The following MAGI1 variants were observed in gnomAD, a reference collection of about 807,000 sequenced individuals.
MAGI1 encodes membrane associated guanylate kinase, WW and PDZ domain containing 1.
Under a neutral mutation model 139.9 loss-of-function variants are expected in MAGI1, and 58 were observed. That is an observed-to-expected ratio of 0.41 (90% CI 0.34 to 0.52). The LOEUF (loss-of-function observed/expected upper bound fraction) is 0.52. Ranked by LOEUF, MAGI1 falls within the 20% of genes least tolerant of loss-of-function variation. The pLI, the probability that MAGI1 is intolerant of heterozygous loss-of-function variation, is 0.12. For synonymous variants in MAGI1, 812 were observed against 737.9 expected, an observed-to-expected ratio of 1.10 and a Z score of -1.63; for missense variants, 1,874 against 1,901.6, an observed-to-expected ratio of 0.99 and a Z score of 0.27.
chr3:65,725,564 G>T (rs544590832), intron 1 of MAGI1, among the ~76,000 whole-genome samples: 1 of 152,278 alleles, frequency 6.6e-6, no homozygotes, highest in East Asian at 1.9e-4. Flanking sequence ...TGGTCACTGA[G>T]AAACTAAGGC....
intron 1 of MAGI1, among the ~76,000 whole-genome samples, chr3:65,768,913 A>G (rs868855543): frequency 1.3e-5 from 2 of 152,222 alleles, no homozygotes; most frequent in African/African-American, 4.8e-5. Context: ...GGGACAAAGC[A>G]AATTTTCCAG....
chr3:65,379,607 C>A, intron 16 of MAGI1, 53 bp from the exon 17 acceptor site: 1 of 1,559,334 alleles, frequency 6.4e-7, no homozygotes, highest in East Asian at 2.3e-5. Context: ...CCCCTCCATC[C>A]TGCTGCCCCT....
At chr3:66,009,272 T>C (rs1444430621) in intron 1 of MAGI1, 1 of 152,148 alleles carries the variant, frequency 6.6e-6, no homozygotes, top group Non-Finnish European at 1.5e-5. Flanking sequence ...TCCCAGCACT[T>C]TGGGAGGCAG....
At chr3:65,426,350 A>G (rs955998988) in intron 12 of MAGI1, among the ~76,000 whole-genome samples, 10 of 152,210 alleles carry the variant, frequency 6.6e-5, no homozygotes, top group Admixed American at 5.9e-4. Context: ...AATGAAATGT[A>G]TTAGATCTTG....
chr3:65,678,549 G>A (rs1015616507), intron 1 of MAGI1, among the ~76,000 whole-genome samples: 2 of 152,106 alleles, frequency 1.3e-5, no homozygotes, highest in Non-Finnish European at 2.9e-5. Flanking sequence ...GCCCTGAGTG[G>A]AGGGAACAGA....
intron 5 of MAGI1, among the ~76,000 whole-genome samples, chr3:65,456,293 A>G (rs1049734346): frequency 3.9e-5 from 6 of 152,050 alleles, no homozygotes; most frequent in African/African-American, 7.2e-5. Flanking sequence ...TTTCATGTGC[A>G]TATCTTCCAT....
Position 66,038,458 on chromosome 3 carries a change from C to T in MAGI1, c.-150G>A, listed in dbSNP as rs773829656. Reference sequence around the variant, plus strand: ...GAAACTTGGCAGCCTCGCTCCCCTGCACACGCTCGCGCACTCAAGCCATCA... The same window carrying T: ...GAAACTTGGCAGCCTCGCTCCCCTGTACACGCTCGCGCACTCAAGCCATCA... On this transcript the variant is annotated 5_prime_UTR_variant, in exon 1 of 23. Transcript: ENST00000402939. The T allele has an allele frequency of 1.9e-5, 21 of 1,098,410 alleles. No individual in the cohort carries two copies. Among genetic ancestry groups the T allele is most frequent in the Non-Finnish European group, 2.0e-5 (16 of 805,456 alleles). 68.0% of individuals were successfully genotyped at this position (1,098,410 alleles called of 1,614,324 possible).
intron 4 of MAGI1, among the ~76,000 whole-genome samples, chr3:65,473,282 C>G (rs1484112219): frequency 6.6e-6 from 1 of 152,136 alleles, no homozygotes; most frequent in Non-Finnish European, 1.5e-5. Context: ...ATAGTCTTGT[C>G]TGCTTCTAGC....
At chr3:65,723,861 A>C (rs2033323453) in intron 1 of MAGI1, among the ~76,000 whole-genome samples, 1 of 152,216 alleles carries the variant, frequency 6.6e-6, no homozygotes, top group Non-Finnish European at 1.5e-5. Flanking sequence ...TCAAGTATTT[A>C]ATCTTTAGTG....
At chr3:65,406,735 G>T (rs1398430394) in intron 12 of MAGI1, among the ~76,000 whole-genome samples, 1 of 151,948 alleles carries the variant, frequency 6.6e-6, no homozygotes. Flanking sequence ...AGTGTGCAAG[G>T]GGCAGGGAAC....
At chr3:66,018,809 C>T (rs768294772) in intron 1 of MAGI1, among the ~76,000 whole-genome samples, 16 of 152,224 alleles carry the variant, frequency 1.1e-4, no homozygotes, top group Non-Finnish European at 2.1e-4. Flanking sequence ...TCTTTCAAGT[C>T]ATTGCTTGTC....
Position 65,493,649 on chromosome 3 carries a change from A to G in MAGI1, c.431-18T>C. The G allele has an allele frequency of 6.2e-7, 1 of 1,613,566 alleles. No individual in the cohort carries two copies. Among genetic ancestry groups the G allele is most frequent in the Non-Finnish European group, 8.5e-7 (1 of 1,179,962 alleles). On this transcript the variant is annotated intron_variant, in intron 2 of 22. Coordinates refer to ENST00000402939, the MANE Select transcript of MAGI1 (RefSeq NM_001033057.2). ...GGTTGTGCCTGTAGCAGAAAATACA[A>G]AGGCACAACAAACCATCAATCAACT...
chr3:65,394,821 T>A (rs972201145), intron 13 of MAGI1, among the ~76,000 whole-genome samples: 2 of 152,160 alleles, frequency 1.3e-5, no homozygotes, highest in African/African-American at 4.8e-5. Context: ...TTTTCAGCAG[T>A]CTGGATCACC....
chr3:66,021,924 A>C (rs915823652), intron 1 of MAGI1, among the ~76,000 whole-genome samples: 12 of 152,100 alleles, frequency 7.9e-5, no homozygotes, highest in African/African-American at 2.9e-4. Context: ...AAAGTTGATG[A>C]TTTTCTTCAA....
intron 12 of MAGI1, among the ~76,000 whole-genome samples, chr3:65,426,737 T>C (rs546993215): frequency 1.4e-4 from 22 of 152,334 alleles, no homozygotes; most frequent in Non-Finnish European, 2.9e-4. Context: ...GATATATTTA[T>C]ATGCCTTCCA....
chr3:65,514,106 T>C (rs1390586605), intron 2 of MAGI1, among the ~76,000 whole-genome samples: 17 of 149,292 alleles, frequency 1.1e-4, no homozygotes, highest in Non-Finnish European at 2.5e-4. Flanking sequence ...GCTAGCCATA[T>C]GTAGAAAGCT....
chr3:65,867,897 G>A (rs749729374), intron 1 of MAGI1, among the ~76,000 whole-genome samples: 1 of 152,144 alleles, frequency 6.6e-6, no homozygotes, highest in Non-Finnish European at 1.5e-5. Flanking sequence ...CCAGGAGTCT[G>A]AGGAGGCGTC....
intron 7 of MAGI1, among the ~76,000 whole-genome samples, chr3:65,447,599 T>A (rs1448780284): frequency 6.6e-6 from 1 of 152,220 alleles, no homozygotes; most frequent in East Asian, 1.9e-4. Flanking sequence ...CTAGTCTTAA[T>A]TGATTTTTGT....
chr3:65,490,542 C>A (rs939028145), intron 3 of MAGI1, among the ~76,000 whole-genome samples: 1 of 152,042 alleles, frequency 6.6e-6, no homozygotes, highest in African/African-American at 2.4e-5. Context: ...CTGGTCAGTT[C>A]CAAAAACTTA....
Sources: gnomAD v4.1 joint callset for allele counts (sites outside exome capture counted in the v4.1 genomes callset) on GRCh38, gnomAD v4.1.1 for gene constraint, MANE v1.5 for transcripts, NCBI Gene and HGNC (gene_info 2026-07-23, HGNC 2026-07-21) for gene names.